The following SCAMP1 variants were observed in gnomAD, a reference collection of about 807,000 sequenced individuals.
The protein encoded by SCAMP1 is secretory carrier membrane protein 1, also known as secretory carrier-associated membrane protein 1.
In SCAMP1, 15 loss-of-function variants were observed where a neutral mutation model predicts 41.8. That is an observed-to-expected ratio of 0.36 (90% CI 0.24 to 0.55). The LOEUF (loss-of-function observed/expected upper bound fraction) is 0.55. SCAMP1 is among the 20% of genes least tolerant of loss of function. SCAMP1 has a pLI of 0.86. For missense variants in SCAMP1, 341 were observed against 412.6 expected (o/e 0.83, Z 1.50); for synonymous variants, 135 against 136.8 (o/e 0.99, Z 0.09).
At chr5:78,370,978 G>T (rs898021781) in intron 1 of SCAMP1, among the ~76,000 whole-genome samples, 1 of 152,012 alleles carries the variant, frequency 6.6e-6, no homozygotes, top group African/African-American at 2.4e-5. Context: ...TTTCTTTGAT[G>T]TCTGTTCAGA....
At chr5:78,457,295 T>C (rs1753437259) in intron 7 of SCAMP1, among the ~76,000 whole-genome samples, 1 of 152,206 alleles carries the variant, frequency 6.6e-6, no homozygotes, top group South Asian at 2.1e-4. Flanking sequence ...TCTGTTCTGT[T>C]TTTTCCCCGT....
intron 7 of SCAMP1, 137 bp downstream of exon 7, chr5:78,450,171 T>C (rs1386445905): frequency 1.9e-5 from 11 of 581,644 alleles, no homozygotes; most frequent in Non-Finnish European, 3.2e-5. Flanking sequence ...AAAATACAAT[T>C]TTAAAATGTC....
intron 8 of SCAMP1, among the ~76,000 whole-genome samples, chr5:78,462,895 A>C (rs1216825247): frequency 6.6e-6 from 1 of 152,222 alleles, no homozygotes; most frequent in Non-Finnish European, 1.5e-5. Flanking sequence ...CTATGTTTTA[A>C]ATGAAAAAGA....
chr5:78,381,383 C>T (rs1444195495), intron 1 of SCAMP1, among the ~76,000 whole-genome samples: 6 of 152,170 alleles, frequency 3.9e-5, no homozygotes, highest in Non-Finnish European at 7.3e-5. Flanking sequence ...TTTGAGGACT[C>T]ACTGGTTACT....
At chr5:78,446,699 G>A (rs1580701974) in intron 6 of SCAMP1, among the ~76,000 whole-genome samples, 1 of 152,054 alleles carries the variant, frequency 6.6e-6, no homozygotes, top group African/African-American at 2.4e-5. Context: ...ATTTTATATT[G>A]TAGATTTTGA....
chr5:78,392,227 C>T (rs1303563216), intron 2 of SCAMP1, among the ~76,000 whole-genome samples: 1 of 152,150 alleles, frequency 6.6e-6, no homozygotes, highest in Non-Finnish European at 1.5e-5. Flanking sequence ...CTACTTTGTG[C>T]CATGTGCTTT....
At chr5:78,383,426 T>C (rs1490777262) in intron 1 of SCAMP1, among the ~76,000 whole-genome samples, 1 of 152,238 alleles carries the variant, frequency 6.6e-6, no homozygotes, top group African/African-American at 2.4e-5. Context: ...GCACAAGCTT[T>C]TTAGTTTAAT....
At chr5:78,362,593 A>G (rs1182789035) in intron 1 of SCAMP1, among the ~76,000 whole-genome samples, 1 of 152,240 alleles carries the variant, frequency 6.6e-6, no homozygotes, top group African/African-American at 2.4e-5. Context: ...TGTAAAATGC[A>G]TCAGGGACAG....
intron 2 of SCAMP1, among the ~76,000 whole-genome samples, chr5:78,402,964 C>T (rs534511997): frequency 4.0e-4 from 61 of 152,126 alleles, no homozygotes; most frequent in Non-Finnish European, 6.5e-4. Flanking sequence ...CTGCAACCTC[C>T]GCCTTCCAGG....
intron 2 of SCAMP1, among the ~76,000 whole-genome samples, chr5:78,401,254 A>C (rs34538921): frequency 0.015 from 2,344 of 152,014 alleles, 28 homozygotes; most frequent in Middle Eastern, 0.044. Flanking sequence ...ATTTTGTTGG[A>C]GATTTTTGCA....
At chr5:78,375,433 A>G (rs368025194) in intron 1 of SCAMP1, among the ~76,000 whole-genome samples, 14 of 152,146 alleles carry the variant, frequency 9.2e-5, no homozygotes, top group African/African-American at 2.9e-4. Context: ...ACAGAACCCA[A>G]GTCATAAAGC....
intron 2 of SCAMP1, among the ~76,000 whole-genome samples, chr5:78,393,048 A>G (rs1202716547): frequency 1.3e-5 from 2 of 152,172 alleles, no homozygotes; most frequent in Non-Finnish European, 2.9e-5. Flanking sequence ...TCTTGCTAAG[A>G]TTTAGAAAGT....
At chr5:78,450,132 A>G (rs1374308912) in intron 7 of SCAMP1, 98 bp downstream of exon 7, 5 of 663,656 alleles carry the variant, frequency 7.5e-6, no homozygotes, top group Non-Finnish European at 1.3e-5. Flanking sequence ...CAGATTAGAA[A>G]AATTAAATAA....
intron 6 of SCAMP1, 95 bp from the exon 7 acceptor site, chr5:78,449,838 A>T: frequency 1.5e-6 from 1 of 686,814 alleles, no homozygotes; most frequent in East Asian, 2.8e-5. Context: ...GTCATTCTGC[A>T]GGTAAATGTA....
intron 7 of SCAMP1, among the ~76,000 whole-genome samples, chr5:78,450,809 AT>A (rs1753206565): frequency 1.3e-5 from 2 of 152,210 alleles, no homozygotes; most frequent in South Asian, 4.1e-4. Flanking sequence ...TTTAATTAGA[AT>A]GTGTTGAGGA....
intron 8 of SCAMP1, among the ~76,000 whole-genome samples, chr5:78,469,897 A>G (rs868162966): frequency 0.026 from 887 of 34,166 alleles, 15 homozygotes; most frequent in African/African-American, 0.12. Flanking sequence ...CATTAAAAAA[A>G]AAAAAAAAAA....
chr5:78,361,357 TTAAAAA>T (rs1283117554), intron 1 of SCAMP1, among the ~76,000 whole-genome samples: 2 of 152,184 alleles, frequency 1.3e-5, no homozygotes, highest in Non-Finnish European at 2.9e-5. Flanking sequence ...AAAGCAAAAC[TTAAAAA>T]TAAACATATC....
At chr5:78,360,859 C>T (rs1750625763) in intron 1 of SCAMP1, 131 bp downstream of exon 1, 2 of 888,194 alleles carry the variant, frequency 2.3e-6, no homozygotes, top group Non-Finnish European at 3.5e-6. Context: ...GCGGGGCCGC[C>T]GTCCTCCATT....
chr5:78,374,294 G>A (rs1258404314), intron 1 of SCAMP1, among the ~76,000 whole-genome samples: 1 of 152,070 alleles, frequency 6.6e-6, no homozygotes, highest in African/African-American at 2.4e-5. Context: ...AGAATCTGAG[G>A]CAGAAGGCAT....
Sources: allele counts gnomAD v4.1 joint callset (sites outside exome capture counted in the v4.1 genomes callset), GRCh38; gene constraint gnomAD v4.1.1; transcripts MANE v1.5; gene names NCBI Gene and HGNC (gene_info 2026-07-23, HGNC 2026-07-21).